TENM4: variants seen among roughly 807,000 people sequenced by gnomAD.
TENM4 encodes teneurin transmembrane protein 4.
Under a neutral mutation model 243.3 loss-of-function variants are expected in TENM4, and 82 were observed. The observed-to-expected ratio is 0.34, with a 90% CI of 0.28 to 0.40. The LOEUF (loss-of-function observed/expected upper bound fraction) is 0.40. Ranked by LOEUF, TENM4 falls within the 10% of genes least tolerant of loss-of-function variation. The probability of loss-of-function intolerance (pLI) is 1.00; values close to 1 mark genes in which losing one functional copy is unlikely to be tolerated. For synonymous variants in TENM4, 1,412 were observed against 1,456.3 expected, an observed-to-expected ratio of 0.97 and a Z score of 0.69; for missense variants, 3,138 against 3,673.3, an observed-to-expected ratio of 0.85 and a Z score of 3.77.
chr11:79,060,800 C>A (rs1860066136), intron 6 of TENM4, among the ~76,000 whole-genome samples: 1 of 152,136 alleles, frequency 6.6e-6, no homozygotes, highest in African/African-American at 2.4e-5. Flanking sequence ...AAGGCAATTG[C>A]ACATGTACAG....
chr11:79,310,845 A>G (rs1856707450), intron 1 of TENM4, among the ~76,000 whole-genome samples: 1 of 152,254 alleles, frequency 6.6e-6, no homozygotes, highest in South Asian at 2.1e-4. Flanking sequence ...GAAAAGAAAT[A>G]AAATGCAAAA....
intron 19 of TENM4, among the ~76,000 whole-genome samples, chr11:78,739,978 G>A (rs1233135925): frequency 6.6e-6 from 1 of 152,222 alleles, no homozygotes; most frequent in Non-Finnish European, 1.5e-5. Context: ...GCCGTGGGTG[G>A]AAATGAAGGC....
chr11:79,363,617 T>C (rs1389699310), intron 1 of TENM4, among the ~76,000 whole-genome samples: 2 of 152,222 alleles, frequency 1.3e-5, no homozygotes, highest in East Asian at 3.8e-4. Context: ...GTGTGTAAAG[T>C]GTCCAGCACA....
chr11:79,381,441 C>T (rs777660464), intron 1 of TENM4, among the ~76,000 whole-genome samples: 1 of 151,854 alleles, frequency 6.6e-6, no homozygotes, highest in African/African-American at 2.4e-5. Context: ...ATGGCTTCTG[C>T]AGTGGCTAAC....
At chr11:79,377,104 G>A (rs1311659592) in intron 1 of TENM4, among the ~76,000 whole-genome samples, 2 of 152,196 alleles carry the variant, frequency 1.3e-5, no homozygotes, top group East Asian at 3.8e-4. Flanking sequence ...ACATGGAGAT[G>A]GATGCAAAGT....
At chr11:79,298,521 C>CAAAAAAAAAAA (rs61373828) in intron 1 of TENM4, among the ~76,000 whole-genome samples, 1 of 17,256 alleles carries the variant, frequency 5.8e-5, no homozygotes. Context: ...GACTCCGTCT[C>CAAAAAAAAAAA]AAAAAAAAAA....
chr11:78,906,223 G>A (rs558825956), intron 6 of TENM4, among the ~76,000 whole-genome samples: 2 of 152,320 alleles, frequency 1.3e-5, no homozygotes, highest in Admixed American at 6.5e-5. Context: ...ACAACCCTTC[G>A]GGGGCAGTAT....
chr11:78,946,697 A>G (rs972482610), intron 6 of TENM4, among the ~76,000 whole-genome samples: 4 of 152,210 alleles, frequency 2.6e-5, no homozygotes. Flanking sequence ...AATGCTCAAG[A>G]TTCATAGGAG....
chr11:79,133,975 C>T lies in TENM4; in HGVS notation c.-66+14735G>A, dbSNP rs1041245898. Among the ~76,000 whole-genome samples, 5 of 152,042 alleles carry T rather than the reference C, an allele frequency of 3.3e-5. No individual in the cohort carries two copies. In the South Asian group the frequency reaches 1.0e-3, roughly 32 times the overall value. On this transcript the variant is annotated intron_variant, in intron 4 of 33. Coordinates refer to ENST00000278550, the MANE Select transcript of TENM4 (RefSeq NM_001098816.3). ...CCACTCTCATCACTCTTCTTCAACA[C>T]AACACTGGAATTCCTAGCCAGAGCA...
rs543391496 is a variant in TENM4 at position 79,194,201 on chromosome 11, A to G, written c.-163+21607T>C. Among the ~76,000 whole-genome samples the G allele has an allele frequency of 1.4e-4, 22 of 152,054 alleles. No individual in the cohort carries two copies. The East Asian group carries it at 3.9e-3, about 27-fold the overall frequency. The stretch of plus-strand genomic sequence containing the variant: ...CACCATGATTCTGAGGCCTCCCCAG[A>G]CATGTGGAACTGTAAGTCCAATTAA... On this transcript the variant is annotated intron_variant, in intron 3 of 33. Transcript: ENST00000278550.
chr11:79,084,218 T>C (rs146851971), intron 4 of TENM4, among the ~76,000 whole-genome samples: 66 of 152,318 alleles, frequency 4.3e-4, no homozygotes, highest in African/African-American at 1.5e-3. Context: ...GTGACAACAT[T>C]AAATGCTGGC....
intron 1 of TENM4, among the ~76,000 whole-genome samples, chr11:79,361,128 T>G (rs1181834010): frequency 3.9e-5 from 6 of 152,174 alleles, no homozygotes; most frequent in African/African-American, 1.4e-4. Context: ...TGGAATGACA[T>G]GGGTGAAGGT....
At chr11:78,919,586 A>C (rs922615053) in intron 6 of TENM4, among the ~76,000 whole-genome samples, 5 of 152,130 alleles carry the variant, frequency 3.3e-5, no homozygotes, top group Admixed American at 2.0e-4. Flanking sequence ...ATAAGCTTGC[A>C]GGGGTCCCTT....
At chr11:79,106,005 C>T (rs949423897) in intron 4 of TENM4, among the ~76,000 whole-genome samples, 3 of 152,200 alleles carry the variant, frequency 2.0e-5, no homozygotes, top group African/African-American at 7.2e-5. Context: ...CAACCACAAA[C>T]AAGAAGTTAT....
At chr11:79,266,591 C>T (rs1316596460) in intron 2 of TENM4, among the ~76,000 whole-genome samples, 1 of 152,160 alleles carries the variant, frequency 6.6e-6, no homozygotes, top group East Asian at 1.9e-4. Context: ...AGTAGAGGCT[C>T]CCTTAACAGA....
At chr11:79,121,969 G>C (rs570146074) in intron 4 of TENM4, among the ~76,000 whole-genome samples, 104 of 152,288 alleles carry the variant, frequency 6.8e-4, no homozygotes, top group Non-Finnish European at 1.2e-3. Context: ...AGAATAGATT[G>C]ATGTTGTCCA....
intron 3 of TENM4, among the ~76,000 whole-genome samples, chr11:79,211,960 C>T (rs1863964130): frequency 6.6e-6 from 1 of 152,132 alleles, no homozygotes; most frequent in Admixed American, 6.5e-5. Context: ...AATTTCTGCC[C>T]ATGACTGGGA....
chr11:78,814,185 G>A (rs951073596), intron 13 of TENM4, 109 bp downstream of exon 13: 60 of 1,032,220 alleles, frequency 5.8e-5, no homozygotes, highest in Non-Finnish European at 8.2e-5. Context: ...AACCCTTCTC[G>A]TGGGCATCAG....
chr11:78,975,377 G>A (rs765373095), intron 6 of TENM4, among the ~76,000 whole-genome samples: 46 of 152,036 alleles, frequency 3.0e-4, no homozygotes, highest in Non-Finnish European at 5.7e-4. Context: ...GAGAGGAAAC[G>A]CACAAAGCAA....
Sources: gnomAD v4.1 joint callset for allele counts (sites outside exome capture counted in the v4.1 genomes callset) on GRCh38, gnomAD v4.1.1 for gene constraint, MANE v1.5 for transcripts, NCBI Gene and HGNC (gene_info 2026-07-23, HGNC 2026-07-21) for gene names.